TXNRD3: variants seen among roughly 807,000 people sequenced by gnomAD.
TXNRD3 encodes TXNRD3 neighbor gene protein.
A neutral mutation model predicts 78.2 loss-of-function variants in TXNRD3; 68 were observed. The ratio of observed to expected loss-of-function variants is 0.87; its 90% confidence interval spans 0.72 to 1.06. TXNRD3 has a LOEUF of 1.06. Ranked by LOEUF, TXNRD3 falls within the 50% of genes least tolerant of loss-of-function variation. The pLI is 0.00. For missense variants in TXNRD3, 751 were observed against 809.5 expected (o/e 0.93, Z 0.88); for synonymous variants, 296 against 300.1 (o/e 0.99, Z 0.14).
rs1341015700 is a variant in TXNRD3 at position 126,629,378 on chromosome 3, C to G, written c.1290+1G>C. On this transcript the variant is annotated splice_donor_variant, in intron 10 of 15. Transcript: ENST00000524230. LOFTEE classifies it high-confidence loss of function. ...TTAGTAATGATAAAATAAAAACTCA[C>G]TGTGTTATAGACTCCTTCAATTGTT... 6.5e-7 allele frequency: 1 copy of G among 1,527,312 alleles called. No homozygotes were observed. The highest frequency in any genetic ancestry group is 1.4e-5 in the African/African-American group (1 of 72,704). 94.6% of individuals were successfully genotyped at this position (1,527,312 alleles called of 1,614,324 possible).
At chr3:126,643,397 G>T (rs796130344) in intron 5 of TXNRD3, among the ~76,000 whole-genome samples, 25 of 152,292 alleles carry the variant, frequency 1.6e-4, no homozygotes, top group African/African-American at 6.0e-4. Context: ...TCACAGGGCT[G>T]GTCATTGGTC....
chr3:126,633,335 A>G (rs2107619990), intron 7 of TXNRD3, among the ~76,000 whole-genome samples: 1 of 152,344 alleles, frequency 6.6e-6, no homozygotes, highest in African/African-American at 2.4e-5. Flanking sequence ...TCTTGTGAAG[A>G]TTATCTCACA....
chr3:126,642,495 T>C (rs1933119294), intron 5 of TXNRD3, among the ~76,000 whole-genome samples: 1 of 152,202 alleles, frequency 6.6e-6, no homozygotes, highest in Non-Finnish European at 1.5e-5. Flanking sequence ...GTACTCTCCA[T>C]AACTCTGACT....
At chr3:126,615,248 T>C in intron 13 of TXNRD3, 107 bp downstream of exon 13, 1 of 520,340 alleles carries the variant, frequency 1.9e-6, no homozygotes, top group Non-Finnish European at 3.3e-6. Flanking sequence ...TTTCCTACAA[T>C]ATAACCATCA....
At chr3:126,614,531 T>C (rs1206465970) in intron 13 of TXNRD3, among the ~76,000 whole-genome samples, 2 of 152,204 alleles carry the variant, frequency 1.3e-5, no homozygotes, top group Non-Finnish European at 2.9e-5. Context: ...TATTATTATA[T>C]AAACAGTTAG....
At chr3:126,627,741 T>C (rs1879428) in intron 10 of TXNRD3, among the ~76,000 whole-genome samples, 2 of 151,908 alleles carry the variant, frequency 1.3e-5, no homozygotes, top group East Asian at 1.9e-4. Flanking sequence ...TATATCTCCA[T>C]AGAAAATTAT....
At position 126,651,969 on chromosome 3, in the gene TXNRD3, G is replaced by C. The variant is rs982655989; in HGVS notation, c.243+2779C>G. 3.3e-5 allele frequency among the ~76,000 whole-genome samples: 5 copies of C among 152,266 alleles called. No homozygotes were observed. The South Asian group carries it at 1.0e-3, about 32-fold the overall frequency. ...AAGCAAGCCATAAAAGGAAAAGAAC[G>C]ATAGAAGCAAATACATTAAATTTAC... On this transcript the variant is annotated intron_variant, in intron 1 of 15. Transcript: ENST00000524230.
intron 12 of TXNRD3, among the ~76,000 whole-genome samples, chr3:126,617,481 A>G (rs1238194098): frequency 6.6e-6 from 1 of 152,196 alleles, no homozygotes; most frequent in African/African-American, 2.4e-5. Context: ...GTCTCCATGC[A>G]AGGCCTTGGC....
intron 6 of TXNRD3, among the ~76,000 whole-genome samples, chr3:126,634,426 A>G (rs1036155670): frequency 6.6e-6 from 1 of 152,192 alleles, no homozygotes; most frequent in Non-Finnish European, 1.5e-5. Context: ...GATGGGAAGA[A>G]GGCCTCAAGT....
At chr3:126,615,911 G>C (rs1262431166) in intron 12 of TXNRD3, among the ~76,000 whole-genome samples, 1 of 152,206 alleles carries the variant, frequency 6.6e-6, no homozygotes, top group Non-Finnish European at 1.5e-5. Flanking sequence ...ATGCCACTGA[G>C]AGGTGAGGCA....
At chr3:126,643,615 A>G (rs1933146772) in intron 5 of TXNRD3, among the ~76,000 whole-genome samples, 1 of 152,184 alleles carries the variant, frequency 6.6e-6, no homozygotes, top group Non-Finnish European at 1.5e-5. Context: ...GTGGTCATGG[A>G]ATTTTTTTTT....
At chr3:126,613,949 T>C (rs146708036) in intron 13 of TXNRD3, among the ~76,000 whole-genome samples, 3,244 of 152,352 alleles carry the variant, frequency 0.021, 53 homozygotes, top group Non-Finnish European at 0.031. Context: ...GAAGAAGGCA[T>C]TGTCATCATA....
chr3:126,626,459 C>G (rs142182667), intron 10 of TXNRD3, among the ~76,000 whole-genome samples: 72 of 152,120 alleles, frequency 4.7e-4, no homozygotes, highest in African/African-American at 1.6e-3. Flanking sequence ...AAAATTCAAA[C>G]GATCCAATAA....
At chr3:126,617,868 A>G (rs989910296) in intron 12 of TXNRD3, among the ~76,000 whole-genome samples, 3 of 152,248 alleles carry the variant, frequency 2.0e-5, no homozygotes, top group South Asian at 4.1e-4. Context: ...GATAAATTCA[A>G]TGAAGTTGCA....
chr3:126,644,344 C>T lies in TXNRD3; in HGVS notation c.472G>A (p.Asp158Asn), dbSNP rs1933178761. ...GAACCACCACCGATGATGATGAGATCATAATCATATGCCAAATCTTCCTGA... is the reference window on the plus strand; with the variant it reads ...GAACCACCACCGATGATGATGAGATTATAATCATATGCCAAATCTTCCTGA... The change falls in exon 4 of 16, where the codon GAT becomes AAT. Residue 158 changes from aspartate to asparagine, a missense_variant. Transcript: ENST00000524230. 6.5e-7 allele frequency: 1 copy of T among 1,536,318 alleles called. No homozygotes were observed. The highest frequency in any genetic ancestry group is 1.4e-5 in the African/African-American group (1 of 73,024).
At chr3:126,640,094 CTTTTTTTTTTT>C (rs747114940) in intron 6 of TXNRD3, among the ~76,000 whole-genome samples, 1 of 14,320 alleles carries the variant, frequency 7.0e-5, no homozygotes, top group African/African-American at 1.7e-4. Flanking sequence ...CTTGTGTTTT[CTTTTTTTTTTT>C]TTTTTTTTTT....
chr3:126,648,906 G>A (rs1435586549), intron 1 of TXNRD3, among the ~76,000 whole-genome samples: 1 of 152,200 alleles, frequency 6.6e-6, no homozygotes, highest in Non-Finnish European at 1.5e-5. Flanking sequence ...TCAGGAGGCT[G>A]AGGCAGGAGG....
intron 13 of TXNRD3, among the ~76,000 whole-genome samples, chr3:126,614,038 C>A (rs962479735): frequency 3.3e-5 from 5 of 152,102 alleles, no homozygotes; most frequent in African/African-American, 1.2e-4. Flanking sequence ...ATGTTTTTGA[C>A]CCTGCGTAGG....
At position 126,654,796 on chromosome 3, in the gene TXNRD3, G is replaced by A; in HGVS notation, c.195C>T (p.Arg65=). ...TCTTGCTGAAGATCACCACCCGGCT[G>A]CGCTCGATGAGGCCCACGAGGTGGC... is the stretch of plus-strand genomic sequence containing the variant. Residue 65 remains arginine, a synonymous_variant, in exon 1 of 16, where the codon CGC becomes CGT. Transcript: ENST00000524230. The A allele has an allele frequency of 7.7e-6, 11 of 1,431,624 alleles. No homozygotes were observed. Among genetic ancestry groups the A allele is most frequent in the Non-Finnish European group, 1.0e-5 (11 of 1,093,786 alleles). 88.7% of individuals were successfully genotyped at this position (1,431,624 alleles called of 1,614,324 possible).
Sources: allele counts gnomAD v4.1 joint callset (sites outside exome capture counted in the v4.1 genomes callset), GRCh38; gene constraint gnomAD v4.1.1; transcripts MANE v1.5; gene names NCBI Gene and HGNC (gene_info 2026-07-23, HGNC 2026-07-21).